Variants in ARHGAP6 observed in about 807,000 individuals in gnomAD.
ARHGAP6 encodes the protein Rho GTPase activating protein 6.
ARHGAP6 carries 16 observed loss-of-function variants against 55.7 expected under a neutral mutation model. The ratio of observed to expected loss-of-function variants is 0.29; its 90% confidence interval spans 0.19 to 0.44. The LOEUF is 0.44. Among genes scored for constraint, ARHGAP6 ranks in the 20% least tolerant of loss-of-function variants. The pLI is 1.00. For missense variants in ARHGAP6, 698 were observed against 808.9 expected (o/e 0.86, Z 1.66); for synonymous variants, 382 against 360.9 (o/e 1.06, Z -0.66).
intron 1 of ARHGAP6, chrX:11,298,996 A>G (rs1344954390): frequency 2.5e-6 from 3 of 1,203,567 alleles, no homozygotes; most frequent in Non-Finnish European, 3.4e-6. Flanking sequence ...TGAAGCCACT[A>G]CAATGCAAAT....
At chrX:11,249,874 C>T (rs183011490) in intron 2 of ARHGAP6, among the ~76,000 whole-genome samples, 315 of 111,020 alleles carry the variant, frequency 2.8e-3, no homozygotes, top group South Asian at 5.4e-3. Flanking sequence ...GGTAGGCCTT[C>T]CCTAGTGTAA....
At chrX:11,582,444 T>C (rs963676572) in intron 1 of ARHGAP6, among the ~76,000 whole-genome samples, 9 of 112,393 alleles carry the variant, frequency 8.0e-5, no homozygotes, top group African/African-American at 2.9e-4. Flanking sequence ...TTCATTTCTT[T>C]GAATTTTTCA....
intron 1 of ARHGAP6, among the ~76,000 whole-genome samples, chrX:11,660,551 A>C (rs868284280): frequency 0.022 from 1,400 of 63,913 alleles, 121 homozygotes; most frequent in African/African-American, 0.067. Flanking sequence ...AAAAAAAAAA[A>C]AAAAAAAAAA....
chrX:11,424,739 C>T, intron 1 of ARHGAP6, among the ~76,000 whole-genome samples: 1 of 112,475 alleles, frequency 8.9e-6, no homozygotes, highest in Non-Finnish European at 1.9e-5. Context: ...CAACACCCAG[C>T]TGGAAGGACG....
At chrX:11,508,577 G>A (rs2050755804) in intron 1 of ARHGAP6, among the ~76,000 whole-genome samples, 1 of 109,884 alleles carries the variant, frequency 9.1e-6, no homozygotes. Flanking sequence ...AACTTGGCTG[G>A]GGTATTCCTA....
intron 1 of ARHGAP6, chrX:11,367,852 T>C: frequency 4.1e-6 from 3 of 727,207 alleles, no homozygotes; most frequent in Non-Finnish European, 4.9e-6. Context: ...AAAACCAGAA[T>C]AGAAGAGTCA....
intron 1 of ARHGAP6, among the ~76,000 whole-genome samples, chrX:11,262,403 T>G (rs757738585): frequency 8.9e-6 from 1 of 112,523 alleles, no homozygotes; most frequent in Admixed American, 9.4e-5. Flanking sequence ...TCTTTTGAGC[T>G]AAGTTGCACC....
At chrX:11,427,871 C>T in intron 1 of ARHGAP6, 3 of 644,832 alleles carry the variant, frequency 4.7e-6, no homozygotes, top group Non-Finnish European at 5.5e-6. Context: ...GAGGGAGCGG[C>T]CGAGTCTGAT....
Position 11,536,466 on chromosome X carries a change from T to C in ARHGAP6, c.588+127775A>G, listed in dbSNP as rs145403809. On this transcript the variant is annotated intron_variant, in intron 1 of 12. Transcript: ENST00000337414. ...AATGTGCTCAACAGTACACCTGTTATTGGATTCCTCCCTTCTCTGTCTCAC... is the reference window on the plus strand; with the variant it reads ...AATGTGCTCAACAGTACACCTGTTACTGGATTCCTCCCTTCTCTGTCTCAC... 4.4e-3 allele frequency among the ~76,000 whole-genome samples: 497 copies of C among 112,124 alleles called. 2 individuals are homozygous for C. The highest frequency in any genetic ancestry group is 0.014 in the Middle Eastern group (3 of 219).
chrX:11,271,319 T>C (rs1346656597), intron 1 of ARHGAP6, among the ~76,000 whole-genome samples: 1 of 111,861 alleles, frequency 8.9e-6, no homozygotes, highest in Non-Finnish European at 1.9e-5. Context: ...GCCTTAAGGA[T>C]AGAAGAATAT....
intron 1 of ARHGAP6, among the ~76,000 whole-genome samples, chrX:11,320,644 A>G (rs1404374195): frequency 9.1e-6 from 1 of 110,442 alleles, no homozygotes; most frequent in African/African-American, 3.3e-5. Context: ...GCCACCTACA[A>G]CCTATTGTGA....
chrX:11,358,748 C>T (rs779233743), intron 1 of ARHGAP6, among the ~76,000 whole-genome samples: 2 of 111,492 alleles, frequency 1.8e-5, no homozygotes, highest in African/African-American at 6.5e-5. Flanking sequence ...ACCCAAAGTG[C>T]TGGGATTACA....
At chrX:11,405,647 T>G (rs1413886472) in intron 1 of ARHGAP6, among the ~76,000 whole-genome samples, 1 of 112,072 alleles carries the variant, frequency 8.9e-6, no homozygotes, top group East Asian at 2.8e-4. Flanking sequence ...GTGTAATCAA[T>G]TTCTAGTCAA....
chrX:11,649,291 C>T (rs976275973), intron 1 of ARHGAP6, among the ~76,000 whole-genome samples: 1 of 111,810 alleles, frequency 8.9e-6, no homozygotes, highest in African/African-American at 3.3e-5. Flanking sequence ...TGGAAGCAGC[C>T]AAGTGAGCGA....
At chrX:11,427,789 G>A (rs1311715711) in intron 1 of ARHGAP6, 1 of 759,351 alleles carries the variant, frequency 1.3e-6, no homozygotes, top group East Asian at 1.5e-4. Flanking sequence ...ACCTGGAGAA[G>A]GCAGCGGCGC....
At chrX:11,657,853 G>A (rs1398455972) in intron 1 of ARHGAP6, among the ~76,000 whole-genome samples, 1 of 111,804 alleles carries the variant, frequency 8.9e-6, no homozygotes, top group African/African-American at 3.3e-5. Context: ...GATTCTCTGT[G>A]TGTGATGGGG....
chrX:11,284,178 T>C (rs763106755), intron 1 of ARHGAP6, among the ~76,000 whole-genome samples: 2 of 111,638 alleles, frequency 1.8e-5, no homozygotes, highest in East Asian at 5.7e-4. Context: ...GATTTAAGCA[T>C]TAAAGTTCAT....
chrX:11,412,973 A>T (rs905906070), intron 1 of ARHGAP6, among the ~76,000 whole-genome samples: 3 of 112,343 alleles, frequency 2.7e-5, no homozygotes, highest in Non-Finnish European at 5.6e-5. Flanking sequence ...TTCTGATAGC[A>T]GCCTTCACAG....
rs753107939 is a variant in ARHGAP6, at chrX:11,664,547, C to A, written c.282G>T (p.Pro94=). The change falls in exon 1 of 13, where the codon CCG becomes CCT. Residue 94 remains proline, a synonymous_variant. Transcript: ENST00000337414. ...AGGACGAGCAAAGAGGTCCAGGAGG[C>A]GGTAGCCTGGTGGCCCTGGGGGGCG... ...RGPPPRATRL[P]PPGPLCSSFS... 15 of 1,195,473 alleles carry A rather than the reference C, an allele frequency of 1.3e-5. No homozygotes were observed. The highest frequency in any genetic ancestry group is 8.7e-5 in the African/African-American group (5 of 57,301).
Sources: allele counts gnomAD v4.1 joint callset (sites outside exome capture counted in the v4.1 genomes callset), GRCh38; gene constraint gnomAD v4.1.1; transcripts MANE v1.5; gene names NCBI Gene and HGNC (gene_info 2026-07-23, HGNC 2026-07-21).